TSPAN15: variants seen among roughly 807,000 people sequenced by gnomAD.
TSPAN15 encodes the protein tetraspanin-15.
Under a neutral mutation model 34.5 loss-of-function variants are expected in TSPAN15, and 20 were observed. The observed-to-expected ratio is 0.58, with a 90% CI of 0.41 to 0.84. The LOEUF is 0.84. Among genes scored for constraint, TSPAN15 ranks in the 40% least tolerant of loss-of-function variants. The pLI, the probability that TSPAN15 is intolerant of heterozygous loss-of-function variation, is 0.00. For synonymous variants in TSPAN15, 155 were observed against 153.9 expected (o/e 1.01, Z -0.05); for missense variants, 313 against 386.1 (o/e 0.81, Z 1.59).
At chr10:69,485,992 A>G (rs747295800) in intron 3 of TSPAN15, among the ~76,000 whole-genome samples, 5 of 152,192 alleles carry the variant, frequency 3.3e-5, no homozygotes, top group Non-Finnish European at 7.3e-5. Context: ...AGAGCCAGAA[A>G]GGTTCTCGTG....
chr10:69,474,666 A>G (rs994403395), intron 1 of TSPAN15, among the ~76,000 whole-genome samples: 2 of 152,092 alleles, frequency 1.3e-5, no homozygotes, highest in South Asian at 2.1e-4. Flanking sequence ...ACACAGGAAT[A>G]TACCCCTGAG....
the TSPAN15 span, among the ~76,000 whole-genome samples, chr10:69,524,677 G>A: frequency 1.5e-4 from 22 of 144,712 alleles, 1 homozygote; most frequent in Non-Finnish European, 3.2e-4. Flanking sequence ...CATAGTGGGT[G>A]ATCTAAACAT....
At chr10:69,454,389 G>A (rs1454637492) in intron 1 of TSPAN15, among the ~76,000 whole-genome samples, 2 of 152,184 alleles carry the variant, frequency 1.3e-5, no homozygotes, top group Admixed American at 1.3e-4. Context: ...GTGGTGGTGT[G>A]TGCCTGTAAT....
the TSPAN15 span, among the ~76,000 whole-genome samples, chr10:69,517,922 G>T: frequency 6.7e-3 from 1,013 of 152,264 alleles, 9 homozygotes; most frequent in African/African-American, 0.023. Context: ...AGAACAAGAG[G>T]GCGAGGATTG....
intron 1 of TSPAN15, among the ~76,000 whole-genome samples, chr10:69,455,976 A>G (rs1332222290): frequency 2.0e-5 from 3 of 152,068 alleles, no homozygotes; most frequent in African/African-American, 7.2e-5. Flanking sequence ...AGTATAGAAT[A>G]GCTTTGCCTG....
chr10:69,493,470 CTTTTTTTTTT>C (rs5785919), intron 3 of TSPAN15, among the ~76,000 whole-genome samples: 1 of 118,796 alleles, frequency 8.4e-6, no homozygotes, highest in African/African-American at 3.3e-5. Context: ...AGCCCATCTC[CTTTTTTTTTT>C]TTTTTTTTTT....
chr10:69,472,833 G>T (rs1316155437), intron 1 of TSPAN15, among the ~76,000 whole-genome samples: 1 of 152,202 alleles, frequency 6.6e-6, no homozygotes, highest in African/African-American at 2.4e-5. Flanking sequence ...ACCACTTTCT[G>T]TCTGGCTTCC....
the TSPAN15 span, among the ~76,000 whole-genome samples, chr10:69,521,193 C>G: frequency 3.3e-5 from 5 of 152,272 alleles, no homozygotes; most frequent in Non-Finnish European, 7.4e-5. Flanking sequence ...TCCTCCAATT[C>G]TTTGAGTGCC....
chr10:69,518,657 C>T, the TSPAN15 span, among the ~76,000 whole-genome samples: 6 of 152,280 alleles, frequency 3.9e-5, no homozygotes, highest in African/African-American at 4.8e-5. Flanking sequence ...CTCCTGACCT[C>T]GTGATTTGCC....
the TSPAN15 span, among the ~76,000 whole-genome samples, chr10:69,518,258 A>G: frequency 6.6e-6 from 1 of 152,278 alleles, no homozygotes; most frequent in African/African-American, 2.4e-5. Flanking sequence ...TGTGCAAAGA[A>G]TGCAAAGGAA....
chr10:69,515,338 C>T, the TSPAN15 span, among the ~76,000 whole-genome samples: 1 of 152,088 alleles, frequency 6.6e-6, no homozygotes, highest in South Asian at 2.1e-4. Context: ...GTCCTGGGTC[C>T]CTGCTCTAGT....
Position 69,506,456 on chromosome 10 carries a change from G to A in TSPAN15, c.735+216G>A, listed in dbSNP as rs1842329332. 1.7e-6 allele frequency: 1 copy of A among 598,988 alleles called. No individual in the cohort carries two copies. The highest frequency in any genetic ancestry group is 3.0e-6 in the Non-Finnish European group (1 of 336,542). The allele number at this position is 598,988 out of a possible 1,614,324, so 37.1% of individuals were successfully genotyped here. A position where few individuals can be genotyped will look rare whatever the true frequency, so the allele number is the denominator to read the frequency against. On this transcript the variant is annotated intron_variant, in intron 7 of 7. Transcript: ENST00000373290. The surrounding 1 kb of genome is among the most constrained non-coding windows in gnomAD (Gnocchi z 4.7). ...ACTGCTGCTTCACTTCTTTTTGTGA[G>A]GGAGGCACTATTATAATGCCTATTT...
At chr10:69,545,308 G>A in the TSPAN15 span, among the ~76,000 whole-genome samples, 3 of 152,142 alleles carry the variant, frequency 2.0e-5, no homozygotes, top group Non-Finnish European at 4.4e-5. Context: ...GACCACCCTG[G>A]GCTTTGGGGA....
Position 69,506,155 on chromosome 10 carries a change from G to A in TSPAN15, c.650G>A (p.Arg217Gln), listed in dbSNP as rs1399403578. The A allele has an allele frequency of 1.9e-6, 3 of 1,614,170 alleles. No individual in the cohort carries two copies. Among genetic ancestry groups the A allele is most frequent in the African/African-American group, 1.3e-5 (1 of 75,056 alleles). ...AGTGTGCAGGATGTCATCTACGTGC[G>A]GGGCTGCACCAACGCCGTGATCATC... ...RFSVQDVIYV[R>Q]GCTNAVIIWF... is the part of the protein sequence containing the mutation. The change falls in exon 7 of 8, where the codon CGG becomes CAG. Residue 217 changes from arginine to glutamine, a missense_variant. Coordinates refer to ENST00000373290, the MANE Select transcript of TSPAN15 (RefSeq NM_012339.5). This position sits in a 1 kb window ranked among gnomAD's most constrained non-coding sequence, Gnocchi z 4.7.
chr10:69,463,559 C>T (rs1841316706), intron 1 of TSPAN15, among the ~76,000 whole-genome samples: 1 of 152,144 alleles, frequency 6.6e-6, no homozygotes, highest in South Asian at 2.1e-4. Context: ...CCTGTAATCC[C>T]AGCACTTTGG....
the TSPAN15 span, among the ~76,000 whole-genome samples, chr10:69,541,636 G>C: frequency 6.6e-6 from 1 of 152,234 alleles, no homozygotes; most frequent in Non-Finnish European, 1.5e-5. Context: ...CCCTGCAGCA[G>C]ACTTTTGCCT....
At chr10:69,507,690 G>A, downstream of TSPAN15, 1 of 1,213,208 alleles carries the variant, frequency 8.2e-7, no homozygotes, top group South Asian at 1.4e-5. Context: ...CCTGTGTGCT[G>A]TTTTGTTGGG....
At chr10:69,488,172 AT>A (rs1238276118) in intron 3 of TSPAN15, among the ~76,000 whole-genome samples, 5 of 151,554 alleles carry the variant, frequency 3.3e-5, no homozygotes, top group Non-Finnish European at 5.9e-5. Context: ...TTGGCTCTCA[AT>A]TTTTTTTTAT....
chr10:69,525,181 G>A, the TSPAN15 span, among the ~76,000 whole-genome samples: 2 of 147,412 alleles, frequency 1.4e-5, no homozygotes, highest in African/African-American at 4.9e-5. Context: ...GCCTCCCAAA[G>A]TGCTGGGATT....
Sources: gnomAD v4.1 joint callset for allele counts (sites outside exome capture counted in the v4.1 genomes callset) on GRCh38, gnomAD v4.1.1 for gene constraint, Gnocchi (gnomAD v3.1) non-coding constraint, MANE v1.5 for transcripts, NCBI Gene and HGNC (gene_info 2026-07-23, HGNC 2026-07-21) for gene names.